Variants in SLC4A7 observed in about 807,000 individuals in gnomAD.
The protein encoded by SLC4A7 is sodium bicarbonate cotransporter 3.
Under a neutral mutation model 137.6 loss-of-function variants are expected in SLC4A7, and 51 were observed. The ratio of observed to expected loss-of-function variants is 0.37; its 90% CI spans 0.30 to 0.47. SLC4A7 has a LOEUF of 0.47. Ranked by LOEUF, SLC4A7 falls within the 20% of genes least tolerant of loss-of-function variation. The pLI, the probability that SLC4A7 is intolerant of heterozygous loss-of-function variation, is 1.00. For synonymous variants in SLC4A7, 542 were observed against 518.6 expected, an observed-to-expected ratio of 1.05 and a Z score of -0.61; for missense variants, 1,247 against 1,525.4, an observed-to-expected ratio of 0.82 and a Z score of 3.04.
chr3:27,442,429 A>G (rs2057270527), intron 3 of SLC4A7, among the ~76,000 whole-genome samples: 1 of 145,854 alleles, frequency 6.9e-6, no homozygotes, highest in Admixed American at 7.1e-5. Context: ...GTCAAAAACT[A>G]CAGCTCATTT....
At chr3:27,446,802 G>A (rs1378442968) in intron 3 of SLC4A7, among the ~76,000 whole-genome samples, 1 of 150,528 alleles carries the variant, frequency 6.6e-6, no homozygotes, top group Non-Finnish European at 1.5e-5. Context: ...TCCTTTGCTA[G>A]CTACATGACC....
At chr3:27,404,193 C>T (rs6551197) in intron 14 of SLC4A7, among the ~76,000 whole-genome samples, 23,417 of 152,212 alleles carry the variant, frequency 0.15, 1,992 homozygotes, top group South Asian at 0.27. Flanking sequence ...CATGGTTAAA[C>T]TCCATCTCTA....
chr3:27,395,167 T>A, intron 18 of SLC4A7, 52 bp from the exon 19 acceptor site: 2 of 1,307,440 alleles, frequency 1.5e-6, no homozygotes, highest in African/African-American at 1.5e-5. Flanking sequence ...TGTATTGCAC[T>A]AAATTTCCAT....
chr3:27,377,838 G>A (rs1287883882), intron 25 of SLC4A7, among the ~76,000 whole-genome samples: 1 of 152,168 alleles, frequency 6.6e-6, no homozygotes, highest in Non-Finnish European at 1.5e-5. Flanking sequence ...GTCTTCTCCA[G>A]ACAAACTGAA....
chr3:27,455,171 T>C (rs1361764587), intron 1 of SLC4A7, among the ~76,000 whole-genome samples: 2 of 152,140 alleles, frequency 1.3e-5, no homozygotes, highest in South Asian at 2.1e-4. Context: ...AAAATGTGTG[T>C]CAATAGTAAG....
rs1448468186 is a variant in SLC4A7, at chr3:27,374,199, A to G, written c.*2565T>C. On this transcript the variant is annotated 3_prime_UTR_variant, in exon 26 of 26. Coordinates refer to ENST00000454389, the MANE Select transcript of SLC4A7 (RefSeq NM_001321103.2). ...TATAAATAAATAAACTAGGGTGGAG[A>G]AAAGAATATCCTGAGGTGGCTCTGT... 6.6e-6 allele frequency: 1 copy of G among 152,526 alleles called. No individual in the cohort carries two copies. Among genetic ancestry groups the G allele is most frequent in the African/African-American group, 2.4e-5 (1 of 41,452 alleles). 9.4% of individuals were successfully genotyped at this position (152,526 alleles called of 1,614,324 possible).
chr3:27,430,167 G>A (rs1369286289), intron 7 of SLC4A7, among the ~76,000 whole-genome samples: 1 of 151,920 alleles, frequency 6.6e-6, no homozygotes, highest in Non-Finnish European at 1.5e-5. Context: ...TATGATTGTG[G>A]CACTGCAGTG....
At chr3:27,472,767 C>T (rs1437047616) in intron 1 of SLC4A7, among the ~76,000 whole-genome samples, 1 of 152,148 alleles carries the variant, frequency 6.6e-6, no homozygotes, top group African/African-American at 2.4e-5. Flanking sequence ...TTACCTCTAT[C>T]AAAATTCCTT....
Position 27,387,902 on chromosome 3 carries a change from G to A in SLC4A7, c.3361-1879C>T, listed in dbSNP as rs1048978120. Reference sequence around the variant, plus strand: ...TGCCCACCCCCACATACTGCCTCTGGTTTGTGGTACTTTGTTACAGCAGCC... The same window carrying A: ...TGCCCACCCCCACATACTGCCTCTGATTTGTGGTACTTTGTTACAGCAGCC... On this transcript the variant is annotated intron_variant, in intron 22 of 25. Coordinates refer to ENST00000454389, the MANE Select transcript of SLC4A7 (RefSeq NM_001321103.2). Among the ~76,000 whole-genome samples the A allele has an allele frequency of 1.2e-4, 19 of 152,254 alleles. No individual in the cohort carries two copies. In the South Asian group the frequency reaches 3.7e-3, roughly 30 times the overall value.
At chr3:27,421,443 C>G (rs895781461) in intron 9 of SLC4A7, among the ~76,000 whole-genome samples, 179 bp downstream of exon 9, 1 of 152,072 alleles carries the variant, frequency 6.6e-6, no homozygotes, top group African/African-American at 2.4e-5. Context: ...TTGCAGTGAG[C>G]TGAAATTGTG....
intron 22 of SLC4A7, 65 bp downstream of exon 22, chr3:27,389,866 A>T: frequency 8.4e-7 from 1 of 1,185,914 alleles, no homozygotes; most frequent in South Asian, 1.5e-5. Flanking sequence ...AATTATAAAT[A>T]TTAATAAAAA....
At chr3:27,419,328 G>A (rs1029535413) in intron 10 of SLC4A7, among the ~76,000 whole-genome samples, 4 of 151,782 alleles carry the variant, frequency 2.6e-5, no homozygotes, top group African/African-American at 9.7e-5. Flanking sequence ...CCGCACTTTG[G>A]GAGGCCGAGG....
chr3:27,418,889 T>G (rs2054653133), intron 10 of SLC4A7, among the ~76,000 whole-genome samples: 1 of 152,152 alleles, frequency 6.6e-6, no homozygotes, highest in Non-Finnish European at 1.5e-5. Flanking sequence ...AAAATAAAAT[T>G]TTGCCTGGGA....
At chr3:27,473,143 G>C (rs2059322986) in intron 1 of SLC4A7, among the ~76,000 whole-genome samples, 2 of 151,442 alleles carry the variant, frequency 1.3e-5, no homozygotes, top group Non-Finnish European at 2.9e-5. Flanking sequence ...CTCAAAAATT[G>C]ATAAGCTGGG....
At chr3:27,450,754 A>G (rs2058021989) in intron 2 of SLC4A7, among the ~76,000 whole-genome samples, 1 of 152,098 alleles carries the variant, frequency 6.6e-6, no homozygotes, top group Non-Finnish European at 1.5e-5. Context: ...TATTGCCTCT[A>G]GTGTCCTCTG....
chr3:27,453,886 T>C (rs2058244243), intron 1 of SLC4A7, among the ~76,000 whole-genome samples: 1 of 152,246 alleles, frequency 6.6e-6, no homozygotes, highest in Admixed American at 6.5e-5. Flanking sequence ...AGGAGATACA[T>C]GTATATGACT....
chr3:27,406,307 T>C (rs1448578773), intron 13 of SLC4A7, among the ~76,000 whole-genome samples: 1 of 152,152 alleles, frequency 6.6e-6, no homozygotes, highest in Non-Finnish European at 1.5e-5. Flanking sequence ...ACACAGAATA[T>C]AGTCAATGAA....
intron 7 of SLC4A7, among the ~76,000 whole-genome samples, chr3:27,428,863 A>T (rs748394435): frequency 2.0e-5 from 3 of 152,244 alleles, no homozygotes; most frequent in Non-Finnish European, 2.9e-5. Context: ...AATAATTAAA[A>T]AGAAAAGTTA....
intron 1 of SLC4A7, among the ~76,000 whole-genome samples, chr3:27,477,851 G>A (rs1576687302): frequency 1.3e-5 from 2 of 152,120 alleles, no homozygotes; most frequent in South Asian, 4.2e-4. Flanking sequence ...CTGAGCTCAG[G>A]CAATCCACCT....
Sources: allele counts gnomAD v4.1 joint callset (sites outside exome capture counted in the v4.1 genomes callset), GRCh38; gene constraint gnomAD v4.1.1; transcripts MANE v1.5; gene names NCBI Gene and HGNC (gene_info 2026-07-23, HGNC 2026-07-21).